The following ATP10B variants were observed in gnomAD, a reference collection of about 807,000 sequenced individuals.
The protein encoded by ATP10B is ATPase phospholipid transporting 10B (putative).
ATP10B carries 122 observed loss-of-function variants against 141.2 expected under a neutral mutation model. That is an observed-to-expected ratio of 0.86 (90% CI 0.75 to 1.00). The LOEUF is 1.00. ATP10B is among the 50% of genes least tolerant of loss of function. The probability of loss-of-function intolerance (pLI) is 0.00; values close to 1 mark genes in which losing one functional copy is unlikely to be tolerated. For synonymous variants in ATP10B, 685 were observed against 692.0 expected (o/e 0.99, Z 0.16); for missense variants, 1,876 against 1,825.3 (o/e 1.03, Z -0.51).
At chr5:160,763,981 T>C (rs1431735646) in intron 2 of ATP10B, among the ~76,000 whole-genome samples, 2 of 152,020 alleles carry the variant, frequency 1.3e-5, no homozygotes. Context: ...TTCCTGGAAA[T>C]ATACAACCCT....
At chr5:160,753,221 G>A (rs914278172) in intron 2 of ATP10B, among the ~76,000 whole-genome samples, 23 of 152,288 alleles carry the variant, frequency 1.5e-4, no homozygotes, top group African/African-American at 4.3e-4. Flanking sequence ...AGGAAACGTC[G>A]TTCCTCCTTC....
the ATP10B span, among the ~76,000 whole-genome samples, chr5:160,890,645 T>C: frequency 6.6e-6 from 1 of 152,228 alleles, no homozygotes; most frequent in Non-Finnish European, 1.5e-5. Flanking sequence ...CAACATTCCA[T>C]TGTACTGATA....
chr5:160,572,242 G>C (rs1754924415), intron 24 of ATP10B, among the ~76,000 whole-genome samples: 1 of 151,824 alleles, frequency 6.6e-6, no homozygotes, highest in South Asian at 2.1e-4. Context: ...TTCTCAGTGA[G>C]GGATGTGATC....
In ATP10B at chr5:160,845,835, G is replaced by A. The variant is rs529467652; in HGVS notation, c.-576+6106C>T. 3.3e-5 allele frequency among the ~76,000 whole-genome samples: 5 copies of A among 151,934 alleles called. No individual in the cohort carries two copies. The South Asian group carries it at 8.3e-4, about 25-fold the overall frequency. On this transcript the variant is annotated intron_variant, in intron 1 of 25. Transcript: ENST00000327245. Reference sequence around the variant, plus strand: ...TTCAAATATGATGACACCAAAGACTGTTAATTATTGTTTAAATAAAAAACA... The same window carrying A: ...TTCAAATATGATGACACCAAAGACTATTAATTATTGTTTAAATAAAAAACA...
upstream of ATP10B, among the ~76,000 whole-genome samples, chr5:160,855,246 C>A (rs1007852036): frequency 3.9e-5 from 6 of 152,042 alleles, no homozygotes; most frequent in African/African-American, 1.4e-4. Flanking sequence ...TACTTTCTTA[C>A]CAGAAATGTG....
chr5:160,569,536 G>A lies in ATP10B; in HGVS notation c.3898C>T (p.Leu1300Phe), dbSNP rs1466224454. ...ACAACTGGTGTGAGAAAGCAGACGA[G>A]GTAGAAAGTGGGGTTTGAGAGCTGG... Reference protein sequence around the residue: ...EGQLSNPTFYLVCFLTPVVAL... With the variant: ...EGQLSNPTFYFVCFLTPVVAL... The change falls in exon 25 of 26, where the codon CTC (leucine) becomes TTC (phenylalanine). Residue 1300 changes from leucine to phenylalanine, a missense_variant. Coordinates refer to ENST00000327245, the MANE Select transcript of ATP10B (RefSeq NM_025153.3). The A allele has an allele frequency of 1.9e-6, 3 of 1,613,816 alleles. No individual in the cohort carries two copies. Among genetic ancestry groups the A allele is most frequent in the East Asian group, 2.2e-5 (1 of 44,852 alleles).
At chr5:160,782,689 T>C (rs970123893) in intron 2 of ATP10B, among the ~76,000 whole-genome samples, 18 of 152,098 alleles carry the variant, frequency 1.2e-4, no homozygotes, top group Admixed American at 9.2e-4. Flanking sequence ...ATAGTGATGA[T>C]ATAGCTAAGA....
At chr5:160,652,808 A>AATATATTATAATATAATT (rs1561700664) in intron 7 of ATP10B, among the ~76,000 whole-genome samples, 1 of 103,666 alleles carries the variant, frequency 9.6e-6, no homozygotes, top group African/African-American at 4.2e-5. Context: ...TATATTATAT[A>AATATATTATAATATAATT]ATATATTATA....
chr5:160,707,766 A>G (rs1194047758), intron 3 of ATP10B, among the ~76,000 whole-genome samples: 1 of 152,224 alleles, frequency 6.6e-6, no homozygotes, highest in Non-Finnish European at 1.5e-5. Flanking sequence ...CAGAAGAAAG[A>G]GAAGAGACAA....
intron 1 of ATP10B, among the ~76,000 whole-genome samples, chr5:160,851,278 C>A (rs1753792717): frequency 6.6e-6 from 1 of 152,118 alleles, no homozygotes; most frequent in Non-Finnish European, 1.5e-5. Context: ...TACTTTTCAC[C>A]TTAGGGTTAG....
chr5:160,782,479 A>ACACT (rs1491014104), intron 2 of ATP10B, among the ~76,000 whole-genome samples: 3 of 140,016 alleles, frequency 2.1e-5, no homozygotes, highest in Middle Eastern at 3.8e-3. Flanking sequence ...ACACACACAC[A>ACACT]CTCACTCACT....
At chr5:160,568,264 G>A (rs1055417111) in intron 25 of ATP10B, among the ~76,000 whole-genome samples, 11 of 151,972 alleles carry the variant, frequency 7.2e-5, no homozygotes, top group Non-Finnish European at 1.3e-4. Flanking sequence ...GTGAAGAGTC[G>A]TCTGCTAAAA....
intron 4 of ATP10B, among the ~76,000 whole-genome samples, chr5:160,688,496 C>A (rs1044535825): frequency 6.6e-6 from 1 of 152,144 alleles, no homozygotes; most frequent in Non-Finnish European, 1.5e-5. Context: ...TGGGCTATGA[C>A]CCTGCAGGTC....
chr5:160,829,736 T>C (rs554849856), intron 1 of ATP10B, among the ~76,000 whole-genome samples: 1 of 152,268 alleles, frequency 6.6e-6, no homozygotes, highest in African/African-American at 2.4e-5. Flanking sequence ...TGCAATCATA[T>C]TCTTCGACTC....
the ATP10B span, among the ~76,000 whole-genome samples, chr5:160,917,465 A>T: frequency 6.6e-6 from 1 of 152,104 alleles, no homozygotes; most frequent in Admixed American, 6.5e-5. Context: ...AGGATGGGGC[A>T]AATGGAACAA....
At chr5:160,882,285 T>C in the ATP10B span, among the ~76,000 whole-genome samples, 2 of 150,576 alleles carry the variant, frequency 1.3e-5, no homozygotes, top group Non-Finnish European at 3.0e-5. Context: ...CAGTGTAGAT[T>C]CTTCAATTTT....
chr5:160,781,859 G>A (rs1050034673), intron 2 of ATP10B, among the ~76,000 whole-genome samples: 2 of 152,136 alleles, frequency 1.3e-5, no homozygotes, highest in South Asian at 2.1e-4. Context: ...GGGTTGAGTG[G>A]TTTACATTAA....
chr5:160,622,670 A>G, intron 13 of ATP10B, 85 bp from the exon 14 acceptor site: 1 of 1,237,488 alleles, frequency 8.1e-7, no homozygotes, highest in Non-Finnish European at 1.1e-6. Flanking sequence ...GGAAAGGATG[A>G]TGCAGCTTCA....
At chr5:160,770,770 T>C (rs1478347051) in intron 2 of ATP10B, among the ~76,000 whole-genome samples, 1 of 152,196 alleles carries the variant, frequency 6.6e-6, no homozygotes, top group Non-Finnish European at 1.5e-5. Context: ...CTAAATAGTA[T>C]TAAGTAAATC....
Sources: gnomAD v4.1 joint callset for allele counts (sites outside exome capture counted in the v4.1 genomes callset) on GRCh38, gnomAD v4.1.1 for gene constraint, MANE v1.5 for transcripts, NCBI Gene and HGNC (gene_info 2026-07-23, HGNC 2026-07-21) for gene names.